SMYD3: variants seen among roughly 807,000 people sequenced by gnomAD.
The protein encoded by SMYD3 is SET and MYND domain containing 3, also known as histone-lysine N-methyltransferase SMYD3.
Under a neutral mutation model 57.7 loss-of-function variants are expected in SMYD3, and 36 were observed. That is an observed-to-expected ratio of 0.62 (90% CI 0.48 to 0.82). The LOEUF is 0.82. SMYD3 is among the 40% of genes least tolerant of loss of function. The pLI, the probability that SMYD3 is intolerant of heterozygous loss-of-function variation, is 0.00. For missense variants in SMYD3, 515 were observed against 538.8 expected (o/e 0.96, Z 0.44); for synonymous variants, 211 against 195.0 (o/e 1.08, Z -0.68).
intron 10 of SMYD3, among the ~76,000 whole-genome samples, chr1:245,816,374 G>A (rs2048801851): frequency 1.3e-5 from 2 of 151,984 alleles, no homozygotes; most frequent in Non-Finnish European, 2.9e-5. Context: ...TGCTAGAATG[G>A]AGCTTGGCTC....
chr1:246,128,931 G>C (rs1205401686), intron 5 of SMYD3, among the ~76,000 whole-genome samples: 2 of 151,984 alleles, frequency 1.3e-5, no homozygotes, highest in African/African-American at 4.8e-5. Flanking sequence ...AGCCTCCCAA[G>C]TAGCTGGAAC....
Position 245,944,186 on chromosome 1 carries a change from G to A in SMYD3, c.532-14249C>T, listed in dbSNP as rs144879359. On this transcript the variant is annotated intron_variant, in intron 5 of 11. Transcript: ENST00000490107. The stretch of plus-strand genomic sequence containing the variant: ...AATAAAGGGTACTCAAATAGGAAGA[G>A]AGGAAGTCAAATTGTCTTTGTTTGC... Among the ~76,000 whole-genome samples, 297 of 152,284 alleles carry A rather than the reference G, an allele frequency of 2.0e-3. 1 individual carries two copies. Among genetic ancestry groups the A allele is most frequent in the Non-Finnish European group, 3.9e-3 (265 of 68,030 alleles).
chr1:245,785,850 C>G (rs1450975419), intron 10 of SMYD3, among the ~76,000 whole-genome samples: 1 of 152,070 alleles, frequency 6.6e-6, no homozygotes, highest in Non-Finnish European at 1.5e-5. Flanking sequence ...AGGTGTATGC[C>G]ACCATGCCTG....
chr1:246,415,154 TG>T (rs1197190457), intron 1 of SMYD3, among the ~76,000 whole-genome samples: 1 of 152,178 alleles, frequency 6.6e-6, no homozygotes, highest in Non-Finnish European at 1.5e-5. Context: ...AGCCAAAACA[TG>T]ATAATAAAAC....
intron 5 of SMYD3, among the ~76,000 whole-genome samples, chr1:246,277,047 A>G (rs904992378): frequency 6.6e-6 from 1 of 152,268 alleles, no homozygotes; most frequent in African/African-American, 2.4e-5. Flanking sequence ...ATGGAGATGT[A>G]CATATAAGCC....
intron 5 of SMYD3, among the ~76,000 whole-genome samples, chr1:246,320,689 A>G (rs1040344926): frequency 2.0e-5 from 3 of 151,886 alleles, no homozygotes; most frequent in Admixed American, 6.6e-5. Context: ...ATAAGCCCAG[A>G]AAAAAAAATT....
At chr1:246,028,871 T>C (rs1272348331) in intron 5 of SMYD3, among the ~76,000 whole-genome samples, 1 of 152,130 alleles carries the variant, frequency 6.6e-6, no homozygotes, top group Non-Finnish European at 1.5e-5. Context: ...ATGGTACTGG[T>C]ATAAAAACAA....
chr1:245,764,467 A>T (rs2045985619), intron 10 of SMYD3, among the ~76,000 whole-genome samples: 1 of 152,154 alleles, frequency 6.6e-6, no homozygotes, highest in Non-Finnish European at 1.5e-5. Flanking sequence ...CGGGGAGAAC[A>T]GGTGCTAATC....
intron 5 of SMYD3, among the ~76,000 whole-genome samples, chr1:245,968,021 C>G (rs962647333): frequency 6.6e-6 from 1 of 152,134 alleles, no homozygotes. Context: ...TATTCACAAC[C>G]CTGGGAAATA....
At chr1:246,010,832 C>CA (rs2059269512) in intron 5 of SMYD3, among the ~76,000 whole-genome samples, 1 of 152,106 alleles carries the variant, frequency 6.6e-6, no homozygotes, top group Non-Finnish European at 1.5e-5. Flanking sequence ...TGCTGAATAT[C>CA]AAAAACATTA....
intron 5 of SMYD3, among the ~76,000 whole-genome samples, chr1:246,099,943 CTG>C (rs2060980013): frequency 6.6e-6 from 1 of 152,196 alleles, no homozygotes; most frequent in Middle Eastern, 3.2e-3. Context: ...AAAGGAAAAA[CTG>C]GAGTGGGCGA....
chr1:246,358,709 A>G (rs140487448), intron 1 of SMYD3, among the ~76,000 whole-genome samples: 1,659 of 152,350 alleles, frequency 0.011, 15 homozygotes, highest in South Asian at 0.016. Flanking sequence ...CTGCTCCTGG[A>G]TGATTGTTGG....
In SMYD3 at chr1:246,007,568, G is replaced by A. The variant is rs564124417; in HGVS notation, c.532-77631C>T. Among the ~76,000 whole-genome samples, 5 of 152,148 alleles carry A rather than the reference G, an allele frequency of 3.3e-5. No homozygotes were observed. The East Asian group carries it at 9.7e-4, about 29-fold the overall frequency. On this transcript the variant is annotated intron_variant, in intron 5 of 11. Coordinates refer to ENST00000490107, the MANE Select transcript of SMYD3 (RefSeq NM_001167740.2). The stretch of plus-strand genomic sequence containing the variant: ...CTCACATCTGTAATCCCAGTATTTC[G>A]GGAGGTCTATGTGGGTGGATCACTT...
intron 10 of SMYD3, among the ~76,000 whole-genome samples, chr1:245,833,059 C>CAAAAAAAAAAAAAAAA (rs35215737): frequency 1.5e-4 from 6 of 40,884 alleles, no homozygotes; most frequent in East Asian, 5.7e-4. Context: ...GAATATGTGA[C>CAAAAAAAAAAAAAAAA]AAAAAAAAAA....
At chr1:246,495,090 C>T (rs949685803) in intron 1 of SMYD3, among the ~76,000 whole-genome samples, 1 of 152,148 alleles carries the variant, frequency 6.6e-6, no homozygotes, top group African/African-American at 2.4e-5. Flanking sequence ...TGGCTCACGC[C>T]TGTAATCCCA....
At chr1:246,252,989 A>C (rs959991976) in intron 5 of SMYD3, among the ~76,000 whole-genome samples, 1 of 152,236 alleles carries the variant, frequency 6.6e-6, no homozygotes, top group Non-Finnish European at 1.5e-5. Flanking sequence ...GGCAATACTC[A>C]ACCAAACATG....
intron 1 of SMYD3, among the ~76,000 whole-genome samples, chr1:246,467,048 T>TA (rs2067892658): frequency 6.6e-6 from 1 of 151,826 alleles, no homozygotes. Context: ...CGTGTGCCTG[T>TA]AATCGCAGCT....
chr1:246,151,109 G>A (rs571829253), intron 5 of SMYD3, among the ~76,000 whole-genome samples: 6 of 152,178 alleles, frequency 3.9e-5, no homozygotes, highest in South Asian at 2.1e-4. Flanking sequence ...AGCCAGGCGC[G>A]GTGGCGGGCA....
intron 5 of SMYD3, among the ~76,000 whole-genome samples, chr1:246,120,534 T>C (rs1261135186): frequency 6.6e-6 from 1 of 152,132 alleles, no homozygotes; most frequent in Non-Finnish European, 1.5e-5. Flanking sequence ...ATTCACAGTT[T>C]CTACTTGTTG....
Sources: allele counts gnomAD v4.1 joint callset (sites outside exome capture counted in the v4.1 genomes callset), GRCh38; gene constraint gnomAD v4.1.1; transcripts MANE v1.5; gene names NCBI Gene and HGNC (gene_info 2026-07-23, HGNC 2026-07-21).